The following KLC1 variants were observed in gnomAD, a reference collection of about 807,000 sequenced individuals.
KLC1 encodes kinesin 2 60/70kDa.
KLC1 carries 30 observed loss-of-function variants against 84.2 expected under a neutral mutation model. The observed-to-expected ratio is 0.36, with a 90% CI of 0.27 to 0.48. KLC1 has a LOEUF of 0.48. KLC1 is among the 20% of genes least tolerant of loss of function. The pLI, the probability that KLC1 is intolerant of heterozygous loss-of-function variation, is 0.99. For missense variants in KLC1, 499 were observed against 805.4 expected (o/e 0.62, Z 4.60); for synonymous variants, 289 against 293.3 (o/e 0.99, Z 0.15).
Position 103,693,756 on chromosome 14 carries a change from G to A in KLC1, c.1848+1331G>A. ...GATAGTGACGTCCACCAACCTTGGA[G>A]GTGCCTTTTCAAAACACCCGGGAGG... On this transcript the variant is annotated intron_variant, in intron 15 of 16. Coordinates refer to ENST00000334553, the MANE Select transcript of KLC1 (RefSeq NM_001394837.1). This position sits in a 1 kb window ranked among gnomAD's most constrained non-coding sequence, Gnocchi z 5.1. 7.0e-7 allele frequency: 1 copy of A among 1,434,150 alleles called. No homozygotes were observed. The highest frequency in any genetic ancestry group is 9.1e-7 in the Non-Finnish European group (1 of 1,097,890). The allele number at this position is 1,434,150 out of a possible 1,614,324, so 88.8% of individuals were successfully genotyped here.
At chr14:103,633,349 G>A (rs752268915) in intron 1 of KLC1, among the ~76,000 whole-genome samples, 31 of 151,922 alleles carry the variant, frequency 2.0e-4, no homozygotes, top group Non-Finnish European at 4.3e-4. Context: ...GAGCCACCGC[G>A]CCTGGCCGGA....
intron 1 of KLC1, among the ~76,000 whole-genome samples, chr14:103,650,858 C>T (rs2078377016): frequency 6.6e-6 from 1 of 151,898 alleles, no homozygotes; most frequent in African/African-American, 2.4e-5. Context: ...GGATTACAGG[C>T]GTGAACCACC....
chr14:103,637,800 G>A (rs2077164154), intron 1 of KLC1, among the ~76,000 whole-genome samples: 1 of 152,104 alleles, frequency 6.6e-6, no homozygotes, highest in African/African-American at 2.4e-5. Context: ...TCGTGTTCAA[G>A]TGATCGTCCC....
At chr14:103,660,571 C>T (rs1460475122) in intron 3 of KLC1, among the ~76,000 whole-genome samples, 1 of 151,928 alleles carries the variant, frequency 6.6e-6, no homozygotes, top group Non-Finnish European at 1.5e-5. Context: ...GGTGGATTAC[C>T]TGAGGCCAGG....
chr14:103,655,719 C>T (rs1019619808), intron 2 of KLC1, among the ~76,000 whole-genome samples: 1 of 152,162 alleles, frequency 6.6e-6, no homozygotes, highest in African/African-American at 2.4e-5. Context: ...AGTGATTCTC[C>T]TGCCTCAGCC....
chr14:103,686,906 C>T (rs552713127), intron 13 of KLC1, 175 bp from the exon 14 acceptor site: 1 of 313,690 alleles, frequency 3.2e-6, no homozygotes, highest in African/African-American at 2.1e-5. Context: ...AGAACAATTT[C>T]TAGTTAAAGT....
intron 14 of KLC1, among the ~76,000 whole-genome samples, chr14:103,691,761 C>CT (rs1050182830): frequency 2.0e-5 from 3 of 151,600 alleles, no homozygotes; most frequent in Admixed American, 6.6e-5. Context: ...TGCAGCTGGT[C>CT]TTTTTTTTGT....
At chr14:103,686,997 G>A in intron 13 of KLC1, 84 bp from the exon 14 acceptor site, 1 of 1,133,392 alleles carries the variant, frequency 8.8e-7, no homozygotes, top group East Asian at 2.9e-5. Context: ...GGCCTTGGTG[G>A]AGCTCTTATT....
intron 1 of KLC1, among the ~76,000 whole-genome samples, chr14:103,646,019 A>G (rs1188965413): frequency 1.3e-5 from 2 of 152,060 alleles, no homozygotes; most frequent in Non-Finnish European, 2.9e-5. Flanking sequence ...CAGCCTCCCA[A>G]AGTGCTGGGA....
At chr14:103,701,136 A>C in intron 16 of KLC1, 65 bp from the exon 17 acceptor site, 1 of 1,543,192 alleles carries the variant, frequency 6.5e-7, no homozygotes, top group Non-Finnish European at 8.8e-7. Context: ...CTGTTTCCAG[A>C]ACAGAACTTA....
intron 1 of KLC1, among the ~76,000 whole-genome samples, chr14:103,639,382 C>T (rs2077313726): frequency 6.6e-6 from 1 of 152,156 alleles, no homozygotes; most frequent in Non-Finnish European, 1.5e-5. Context: ...CCGCCTGCCT[C>T]AGCCTCCCAA....
intron 14 of KLC1, among the ~76,000 whole-genome samples, chr14:103,690,278 C>T (rs1035011358): frequency 6.6e-6 from 1 of 152,054 alleles, no homozygotes; most frequent in African/African-American, 2.4e-5. Context: ...ATACTTTGTT[C>T]TTGAGTGGTT....
chr14:103,635,120 A>G (rs2076954283), intron 1 of KLC1, among the ~76,000 whole-genome samples: 1 of 152,218 alleles, frequency 6.6e-6, no homozygotes, highest in African/African-American at 2.4e-5. Flanking sequence ...ACTTAAAGCA[A>G]CGGATATGGA....
intron 6 of KLC1, 125 bp from the exon 7 acceptor site, chr14:103,670,057 A>G (rs77849213): frequency 0.06 from 39,165 of 649,898 alleles, 1,484 homozygotes; most frequent in Middle Eastern, 0.11. Context: ...AACTGAAGTC[A>G]TATTGTTCTA....
At chr14:103,658,280 A>T (rs2078972372) in intron 3 of KLC1, among the ~76,000 whole-genome samples, 1 of 151,934 alleles carries the variant, frequency 6.6e-6, no homozygotes, top group South Asian at 2.1e-4. Context: ...TCTTTTTTTT[A>T]CAAGGAGTCT....
intron 1 of KLC1, among the ~76,000 whole-genome samples, chr14:103,632,126 C>T (rs1003292269): frequency 1.3e-5 from 2 of 152,162 alleles, no homozygotes; most frequent in South Asian, 2.1e-4. Context: ...CGGGCGTGGT[C>T]ATGCCTGTAA....
Position 103,694,775 on chromosome 14 carries a change from G to T in KLC1, c.1848+2350G>T. 7.1e-6 allele frequency: 7 copies of T among 985,492 alleles called. No homozygotes were observed. Among genetic ancestry groups the T allele is most frequent in the Non-Finnish European group, 8.4e-6 (7 of 829,948 alleles). The allele number at this position is 985,492 out of a possible 1,614,324, so 61.0% of individuals were successfully genotyped here. ...CAGAGGCTCACACTTGTCACCTTCA[G>T]CCTCTAGAAGCTCCCCGTGGGGCAC... On this transcript the variant is annotated intron_variant, in intron 15 of 16. Transcript: ENST00000334553. The surrounding 1 kb of genome is among the most constrained non-coding windows in gnomAD (Gnocchi z 4.5).
intron 6 of KLC1, among the ~76,000 whole-genome samples, chr14:103,669,950 T>A (rs1316202893): frequency 6.6e-6 from 1 of 152,240 alleles, no homozygotes; most frequent in Admixed American, 6.5e-5. Flanking sequence ...GGGAAATTTT[T>A]AAAAAGTCAG....
rs569096689 is a variant in KLC1 at position 103,639,107 on chromosome 14, A to T, written c.-2+9613A>T. On this transcript the variant is annotated intron_variant, in intron 1 of 16. Coordinates refer to ENST00000334553, the MANE Select transcript of KLC1 (RefSeq NM_001394837.1). ...AGACTTTTTTTGTTGTTATTTCGATAAAATATTACACATTTGAAAATGCTC... is the reference window on the plus strand; with the variant it reads ...AGACTTTTTTTGTTGTTATTTCGATTAAATATTACACATTTGAAAATGCTC... 1.2e-3 allele frequency among the ~76,000 whole-genome samples: 183 copies of T among 152,306 alleles called. 1 individual carries two copies. The highest frequency in any genetic ancestry group is 2.4e-3 in the Non-Finnish European group (163 of 68,040).
Sources: allele counts gnomAD v4.1 joint callset (sites outside exome capture counted in the v4.1 genomes callset), GRCh38; gene constraint gnomAD v4.1.1; non-coding constraint Gnocchi (gnomAD v3.1); transcripts MANE v1.5; gene names NCBI Gene and HGNC (gene_info 2026-07-23, HGNC 2026-07-21).